Variants in RAB3GAP1 observed in about 807,000 individuals in gnomAD.
RAB3GAP1 encodes the protein RAB3 GTPase activating protein catalytic subunit 1, also known as rab3 GTPase-activating protein catalytic subunit.
Under a neutral mutation model 130.7 loss-of-function variants are expected in RAB3GAP1, and 86 were observed. The observed-to-expected ratio is 0.66, with a 90% CI of 0.55 to 0.79. The LOEUF (loss-of-function observed/expected upper bound fraction) is 0.79. RAB3GAP1 is among the 30% of genes least tolerant of loss of function. The pLI is 0.00. For missense variants in RAB3GAP1, 1,029 were observed against 1,169.4 expected, an observed-to-expected ratio of 0.88 and a Z score of 1.75; for synonymous variants, 367 against 401.7, an observed-to-expected ratio of 0.91 and a Z score of 1.03.
intron 19 of RAB3GAP1, among the ~76,000 whole-genome samples, chr2:135,157,074 C>A (rs1043049293): frequency 6.6e-6 from 1 of 152,186 alleles, no homozygotes; most frequent in Non-Finnish European, 1.5e-5. Flanking sequence ...CAAAAACACA[C>A]TTGAACAACA....
At chr2:135,123,935 T>C (rs529454274) in intron 8 of RAB3GAP1, 301 of 513,200 alleles carry the variant, frequency 5.9e-4, no homozygotes, top group African/African-American at 5.3e-3. Context: ...ATACCTGGCC[T>C]GAATGAAATA....
In RAB3GAP1 at chr2:135,131,473, G is replaced by A. The variant is rs193058691; in HGVS notation, c.1236+752G>A. Among the ~76,000 whole-genome samples, 852 of 152,060 alleles carry A rather than the reference G, an allele frequency of 5.6e-3. 7 individuals carry two copies. Among genetic ancestry groups the A allele is most frequent in the African/African-American group, 0.019 (795 of 41,466 alleles). ...TCTCGATCTCCTGACCTCGTAATCC[G>A]CCCGCCTCGGCCTCCCAAACTGCTG... On this transcript the variant is annotated intron_variant, in intron 13 of 23. Coordinates refer to ENST00000264158, the MANE Select transcript of RAB3GAP1 (RefSeq NM_012233.3).
chr2:135,117,594 G>GCTT (rs1691038567), intron 7 of RAB3GAP1, among the ~76,000 whole-genome samples: 9 of 19,122 alleles, frequency 4.7e-4, no homozygotes, highest in Admixed American at 1.1e-3. Flanking sequence ...TTCTTCTTCT[G>GCTT]CTGCTTCTTC....
At position 135,110,729 on chromosome 2, in the gene RAB3GAP1, C is replaced by T. The variant is rs114128235; in HGVS notation, c.363-2422C>T. Among the ~76,000 whole-genome samples the T allele has an allele frequency of 2.9e-3, 447 of 152,218 alleles. 2 individuals carry two copies. Among genetic ancestry groups the T allele is most frequent in the African/African-American group, 0.01 (423 of 41,536 alleles). On this transcript the variant is annotated intron_variant, in intron 5 of 23. Transcript: ENST00000264158. ...AGATATAGATGTAGAAAAACAGTTG[C>T]AGTATTGTTGCAGCAGCATAAAACT...
intron 19 of RAB3GAP1, among the ~76,000 whole-genome samples, chr2:135,160,255 A>G (rs1279492654): frequency 6.6e-6 from 1 of 152,204 alleles, no homozygotes; most frequent in African/African-American, 2.4e-5. Context: ...TCAAAATGCC[A>G]ATGTTATAAA....
intron 3 of RAB3GAP1, among the ~76,000 whole-genome samples, chr2:135,073,207 GT>G (rs1689527195): frequency 6.6e-6 from 1 of 152,220 alleles, no homozygotes; most frequent in South Asian, 2.1e-4. Flanking sequence ...ATAAAGCAGT[GT>G]GATTTTTTTC....
intron 23 of RAB3GAP1, among the ~76,000 whole-genome samples, chr2:135,166,305 T>C (rs951313005): frequency 6.6e-6 from 1 of 152,168 alleles, no homozygotes; most frequent in African/African-American, 2.4e-5. Flanking sequence ...TTACCCCCTC[T>C]ACTGACTGCA....
At chr2:135,062,970 A>G (rs1420878927) in intron 3 of RAB3GAP1, among the ~76,000 whole-genome samples, 1 of 152,140 alleles carries the variant, frequency 6.6e-6, no homozygotes, top group Non-Finnish European at 1.5e-5. Context: ...ACAAATAGGG[A>G]CAGTTTTACT....
intron 17 of RAB3GAP1, among the ~76,000 whole-genome samples, chr2:135,143,498 A>T (rs940368909): frequency 1.3e-5 from 2 of 150,714 alleles, no homozygotes; most frequent in African/African-American, 4.9e-5. Flanking sequence ...TATTTTTCTA[A>T]CTTGTTTTAT....
At position 135,116,878 on chromosome 2, in the gene RAB3GAP1, A is replaced by G. The variant is rs1038251402; in HGVS notation, c.648+1497A>G. 8.5e-5 allele frequency among the ~76,000 whole-genome samples: 13 copies of G among 152,314 alleles called. No individual in the cohort carries two copies. In the East Asian group the frequency reaches 2.3e-3, roughly 27 times the overall value. ...GAAGGTTTGAGAATTTTCAAAAGAA[A>G]AAGAATTATAAGAAAAAATTGCTGA... is the stretch of plus-strand genomic sequence containing the variant. On this transcript the variant is annotated intron_variant, in intron 7 of 23. Coordinates refer to ENST00000264158, the MANE Select transcript of RAB3GAP1 (RefSeq NM_012233.3).
Position 135,162,976 on chromosome 2 carries a change from C to A in RAB3GAP1, c.2491-10C>A. 1 of 1,607,614 alleles carries A rather than the reference C, an allele frequency of 6.2e-7. No individual in the cohort carries two copies. The highest frequency in any genetic ancestry group is 8.5e-7 in the Non-Finnish European group (1 of 1,174,180). ...CTCGCAATGTATGCCTCTTCCTTTT[C>A]TACCGCCAGGAAATCATTCACCAGA... is the stretch of plus-strand genomic sequence containing the variant. On this transcript the variant is annotated splice_polypyrimidine_tract_variant and intron_variant, in intron 21 of 23. Coordinates refer to ENST00000264158, the MANE Select transcript of RAB3GAP1 (RefSeq NM_012233.3).
chr2:135,133,465 A>G (rs1374766684), intron 14 of RAB3GAP1, among the ~76,000 whole-genome samples: 3 of 152,160 alleles, frequency 2.0e-5, no homozygotes, highest in Non-Finnish European at 2.9e-5. Context: ...AGTAGATTTG[A>G]TGAGGTGAGA....
At chr2:135,073,391 T>C (rs1689533443) in intron 3 of RAB3GAP1, among the ~76,000 whole-genome samples, 2 of 152,192 alleles carry the variant, frequency 1.3e-5, no homozygotes. Context: ...TTGATGCCAA[T>C]GTCTGATTTG....
chr2:135,094,205 C>T (rs1288076244), intron 5 of RAB3GAP1, among the ~76,000 whole-genome samples: 2 of 152,114 alleles, frequency 1.3e-5, no homozygotes, highest in African/African-American at 4.8e-5. Flanking sequence ...CAGCTGTTGG[C>T]CAAGAGTTAA....
intron 3 of RAB3GAP1, among the ~76,000 whole-genome samples, chr2:135,077,005 C>T (rs1384476997): frequency 3.9e-5 from 6 of 152,238 alleles, no homozygotes; most frequent in African/African-American, 9.6e-5. Context: ...CACAGTGGCT[C>T]ATGCCTGTAA....
intron 5 of RAB3GAP1, among the ~76,000 whole-genome samples, chr2:135,109,300 C>T (rs893072213): frequency 1.3e-5 from 2 of 151,908 alleles, no homozygotes; most frequent in African/African-American, 4.8e-5. Context: ...TCTTCCTATC[C>T]ATGAATATAG....
At chr2:135,124,042 G>A in intron 8 of RAB3GAP1, 123 bp from the exon 9 acceptor site, 1 of 891,832 alleles carries the variant, frequency 1.1e-6, no homozygotes, top group Non-Finnish European at 1.8e-6. Context: ...GGTCTAACTT[G>A]CTAACTTGCT....
chr2:135,157,838 A>AC, intron 19 of RAB3GAP1, among the ~76,000 whole-genome samples: 1 of 151,842 alleles, frequency 6.6e-6, no homozygotes, highest in East Asian at 1.9e-4. Context: ...TCTCAAAAAA[A>AC]AAAAAAAAAA....
intron 3 of RAB3GAP1, among the ~76,000 whole-genome samples, chr2:135,080,103 C>T (rs1460209540): frequency 7.3e-5 from 9 of 124,036 alleles, no homozygotes; most frequent in African/African-American, 2.4e-4. Context: ...GGCGACAGAA[C>T]GAGACTCCGT....
Sources: allele counts gnomAD v4.1 joint callset (sites outside exome capture counted in the v4.1 genomes callset), GRCh38; gene constraint gnomAD v4.1.1; transcripts MANE v1.5; gene names NCBI Gene and HGNC (gene_info 2026-07-23, HGNC 2026-07-21).